The following CD160 variants were observed in gnomAD, a reference collection of about 807,000 sequenced individuals.
CD160 encodes CD160 antigen.
A neutral mutation model predicts 19.2 loss-of-function variants in CD160; 11 were observed. The observed-to-expected ratio is 0.57, with a 90% CI of 0.36 to 0.95. The LOEUF is 0.95. Among genes scored for constraint, CD160 ranks in the 40% least tolerant of loss-of-function variants. The probability of loss-of-function intolerance (pLI) is 0.01; values close to 1 mark genes in which losing one functional copy is unlikely to be tolerated. For missense variants in CD160, 182 were observed against 213.2 expected (o/e 0.85, Z 0.91); for synonymous variants, 75 against 81.1 (o/e 0.93, Z 0.40).
At position 145,739,129 on chromosome 1, in the gene CD160, T is replaced by C. The variant is rs1052010518; in HGVS notation, c.*636T>C. 1.3e-5 allele frequency: 2 copies of C among 152,320 alleles called. No individual in the cohort carries two copies. The highest frequency in any genetic ancestry group is 3.8e-4 in the East Asian group (2 of 5,238). 9.4% of individuals were successfully genotyped at this position (152,320 alleles called of 1,614,324 possible). A position where few individuals can be genotyped will look rare whatever the true frequency, so the allele number is the denominator to read the frequency against. On this transcript the variant is annotated 3_prime_UTR_variant, in exon 6 of 6. Coordinates refer to ENST00000369288, the MANE Select transcript of CD160 (RefSeq NM_007053.4). ...TTGTTAACCTCTTTGGTCATTTCTC[T>C]TTTTAAATAAATGCCCATAGCAGTA...
rs1657615957 is a variant in CD160, at chr1:145,739,155, T to C, written c.*662T>C. 1 of 152,258 alleles carries C rather than the reference T, an allele frequency of 6.6e-6. No individual in the cohort carries two copies. The highest frequency in any genetic ancestry group is 2.1e-4 in the South Asian group (1 of 4,828). 9.4% of individuals were successfully genotyped at this position (152,258 alleles called of 1,614,324 possible). On this transcript the variant is annotated 3_prime_UTR_variant, in exon 6 of 6. Coordinates refer to ENST00000369288, the MANE Select transcript of CD160 (RefSeq NM_007053.4). ...TTTTAAATAAATGCCCATAGCAGTA[T>C]TTGGAGTCTTTTCTTTTCTCCTAAA...
At chr1:145,720,739 A>G (rs587748321) in intron 1 of CD160, among the ~76,000 whole-genome samples, 57 of 152,238 alleles carry the variant, frequency 3.7e-4, no homozygotes, top group African/African-American at 1.4e-3. Flanking sequence ...GCAAAGCTTT[A>G]TGTGTCATCT....
chr1:145,731,112 G>A (rs1553709189), intron 4 of CD160, 42 bp downstream of exon 4: 4 of 1,493,938 alleles, frequency 2.7e-6, no homozygotes, highest in Non-Finnish European at 3.7e-6. Flanking sequence ...GTGGGACAGT[G>A]AGCAGGGTTG....
intron 4 of CD160, among the ~76,000 whole-genome samples, chr1:145,731,319 CAG>C (rs1204584353): frequency 6.6e-6 from 1 of 152,132 alleles, no homozygotes; most frequent in Non-Finnish European, 1.5e-5. Flanking sequence ...GATGGTGACA[CAG>C]GGGTTGAAGA....
intron 4 of CD160, among the ~76,000 whole-genome samples, chr1:145,735,118 TAATAA>T (rs1395124566): frequency 1.3e-4 from 20 of 151,940 alleles, no homozygotes; most frequent in African/African-American, 4.1e-4. Context: ...AAAAAAGAAA[TAATAA>T]AATAAAATAA....
chr1:145,734,994 C>T (rs1300647958), intron 4 of CD160, among the ~76,000 whole-genome samples: 1 of 152,040 alleles, frequency 6.6e-6, no homozygotes, highest in Non-Finnish European at 1.5e-5. Flanking sequence ...GTAATCCCAG[C>T]TACTTGGGAG....
intron 2 of CD160, among the ~76,000 whole-genome samples, chr1:145,725,343 G>T (rs1657016920): frequency 1.3e-5 from 2 of 152,014 alleles, no homozygotes; most frequent in African/African-American, 4.8e-5. Flanking sequence ...TACTCGGCAG[G>T]CTGAGGCAGG....
intron 3 of CD160, among the ~76,000 whole-genome samples, chr1:145,729,396 C>T (rs1367472682): frequency 6.6e-6 from 1 of 152,150 alleles, no homozygotes; most frequent in African/African-American, 2.4e-5. Flanking sequence ...CTGGCAGCCT[C>T]AGCATCTGCC....
chr1:145,720,447 C>T (rs1361065981), intron 1 of CD160, among the ~76,000 whole-genome samples: 1 of 152,210 alleles, frequency 6.6e-6, no homozygotes, highest in Non-Finnish European at 1.5e-5. Context: ...CAGACAAGAG[C>T]TTCAAGGGCC....
rs1553710091 is a variant in CD160, at chr1:145,736,088, A to T, written c.492A>T (p.Gln164His). 1.2e-6 allele frequency: 2 copies of T among 1,614,174 alleles called. No individual in the cohort carries two copies. Among genetic ancestry groups the T allele is most frequent in the Admixed American group, 3.3e-5 (2 of 60,020 alleles). The change falls in exon 5 of 6, where the codon CAA becomes CAT. Residue 164 changes from glutamine (Q) to histidine (H), a missense_variant. Transcript: ENST00000369288. ...GCACTCTCAGTTCAGGCTTCCTACA[A>T]GAAAAGGTCTGGGTAATGCTGGTCA... ...NEGTLSSGFL[Q>H]EKVWVMLVTS...
chr1:145,738,378 A>G (rs1446653725), intron 5 of CD160, 108 bp from the exon 6 acceptor site: 2 of 599,448 alleles, frequency 3.3e-6, no homozygotes, highest in Admixed American at 6.3e-5. Flanking sequence ...CTTTACAGTC[A>G]TGAGGGCCTA....
At chr1:145,720,082 T>A (rs1260266790) in intron 1 of CD160, among the ~76,000 whole-genome samples, 1 of 152,220 alleles carries the variant, frequency 6.6e-6, no homozygotes, top group Non-Finnish European at 1.5e-5. Flanking sequence ...ATGTAGACAA[T>A]GAACCACAAT....
chr1:145,728,247 T>G lies in CD160; in HGVS notation c.-72-9T>G. ...AGGCTTTGTCTAGTGGGTCCCCCTG[T>G]GCTTTTAGGAGACTGAAGCCAAGGA... On this transcript the variant is annotated splice_polypyrimidine_tract_variant and intron_variant, in intron 2 of 5. Transcript: ENST00000369288. 2.0e-6 allele frequency: 2 copies of G among 1,002,120 alleles called. No homozygotes were observed. The highest frequency in any genetic ancestry group is 2.6e-5 in the South Asian group (2 of 77,736). 62.1% of individuals were successfully genotyped at this position (1,002,120 alleles called of 1,614,324 possible).
chr1:145,721,882 T>C (rs782354490), intron 1 of CD160, among the ~76,000 whole-genome samples: 2 of 152,200 alleles, frequency 1.3e-5, no homozygotes, highest in Non-Finnish European at 2.9e-5. Flanking sequence ...TGACACTTTA[T>C]GACCTTATTA....
chr1:145,720,618 C>A (rs1656797266), intron 1 of CD160, among the ~76,000 whole-genome samples: 1 of 152,200 alleles, frequency 6.6e-6, no homozygotes, highest in Non-Finnish European at 1.5e-5. Context: ...ATTTGTGGAG[C>A]TCAGAGCTGA....
rs182782725 is a variant in CD160 at position 145,738,518 on chromosome 1, A to T, written c.*25A>T. On this transcript the variant is annotated 3_prime_UTR_variant, in exon 6 of 6. Coordinates refer to ENST00000369288, the MANE Select transcript of CD160 (RefSeq NM_007053.4). Reference sequence around the variant, plus strand: ...AGCCTTGTGCCAAAAGAAACTTTTAAAACAGCTACAGCAAGATGAGTCTGA... The same window carrying T: ...AGCCTTGTGCCAAAAGAAACTTTTATAACAGCTACAGCAAGATGAGTCTGA... 7.6e-7 allele frequency: 1 copy of T among 1,315,336 alleles called. No homozygotes were observed. Among genetic ancestry groups the T allele is most frequent in the Non-Finnish European group, 9.8e-7 (1 of 1,019,360 alleles). 81.5% of individuals were successfully genotyped at this position (1,315,336 alleles called of 1,614,324 possible).
Position 145,736,082 on chromosome 1 carries a change from C to T in CD160, c.486C>T (p.Phe162=). 6.2e-7 allele frequency: 1 copy of T among 1,614,092 alleles called. No individual in the cohort carries two copies. The highest frequency in any genetic ancestry group is 8.5e-7 in the Non-Finnish European group (1 of 1,179,980). The change falls in exon 5 of 6, where the codon TTC becomes TTT. Residue 162 remains phenylalanine, a synonymous_variant. Transcript: ENST00000369288. ...ATGAAGGCACTCTCAGTTCAGGCTT[C>T]CTACAAGAAAAGGTCTGGGTAATGC... ...SHNEGTLSSG[F]LQEKVWVMLV...
intron 1 of CD160, among the ~76,000 whole-genome samples, chr1:145,721,343 G>C (rs1237290124): frequency 6.6e-6 from 1 of 152,184 alleles, no homozygotes; most frequent in African/African-American, 2.4e-5. Flanking sequence ...AGCGGCCAGA[G>C]TGCGAAATCA....
In CD160 at chr1:145,730,801, G is replaced by A. The variant is rs1308826895; in HGVS notation, c.131G>A (p.Cys44Tyr). Reference sequence around the variant, plus strand: ...GAAGGAACGCGACTAAACTTAATCTGTACTGTATGGCATAAGAAAGAAGAG... The same window carrying A: ...GAAGGAACGCGACTAAACTTAATCTATACTGTATGGCATAAGAAAGAAGAG... ...SQEGTRLNLI[C>Y]TVWHKKEEAE... is the part of the protein sequence containing the mutation. The change falls in exon 4 of 6, where the codon TGT (cysteine) becomes TAT (tyrosine). Residue 44 changes from cysteine (C) to tyrosine (Y), a missense_variant. Coordinates refer to ENST00000369288, the MANE Select transcript of CD160 (RefSeq NM_007053.4). The A allele has an allele frequency of 6.2e-7, 1 of 1,614,122 alleles. No homozygotes were observed.
Sources: allele counts gnomAD v4.1 joint callset (sites outside exome capture counted in the v4.1 genomes callset), GRCh38; gene constraint gnomAD v4.1.1; transcripts MANE v1.5; gene names NCBI Gene and HGNC (gene_info 2026-07-23, HGNC 2026-07-21).